ZNF131: variants seen among roughly 807,000 people sequenced by gnomAD.
The protein encoded by ZNF131 is zinc finger and BTB domain containing 35.
ZNF131 carries 7 observed loss-of-function variants against 60.0 expected under a neutral mutation model. That is an observed-to-expected ratio of 0.12 (90% CI 0.07 to 0.22). The LOEUF (loss-of-function observed/expected upper bound fraction) is 0.22. ZNF131 is among the 10% of genes least tolerant of loss of function. ZNF131 has a pLI of 1.00. For missense variants in ZNF131, 493 were observed against 740.9 expected, an observed-to-expected ratio of 0.67 and a Z score of 3.88; for synonymous variants, 257 against 253.2, an observed-to-expected ratio of 1.01 and a Z score of -0.14.
In ZNF131 at chr5:43,129,781, A is replaced by C. The variant is rs77960099; in HGVS notation, c.226+6471A>C. Reference sequence around the variant, plus strand: ...GCAGTTCTCCTGCCTCAGCCTCCCCAGTGGCTGGGATTACAGGTGCGTGCC... The same window carrying C: ...GCAGTTCTCCTGCCTCAGCCTCCCCCGTGGCTGGGATTACAGGTGCGTGCC... On this transcript the variant is annotated intron_variant, in intron 3 of 6. Transcript: ENST00000682664. Among the ~76,000 whole-genome samples, 1,537 of 152,118 alleles carry C rather than the reference A, an allele frequency of 0.01. 102 individuals carry two copies. In the East Asian group the frequency reaches 0.19, roughly 18 times the overall value.
intron 4 of ZNF131, among the ~76,000 whole-genome samples, chr5:43,147,243 T>C (rs1747710608): frequency 6.6e-6 from 1 of 152,018 alleles, no homozygotes; most frequent in African/African-American, 2.4e-5. Context: ...TTTTTTAAGA[T>C]TTTATCTATT....
chr5:43,174,474 G>C lies in ZNF131; in HGVS notation c.1213G>C (p.Asp405His), dbSNP rs1751360978. 1.3e-6 allele frequency: 2 copies of C among 1,539,574 alleles called. No homozygotes were observed. Among genetic ancestry groups the C allele is most frequent in the Non-Finnish European group, 1.7e-6 (2 of 1,143,674 alleles). ...QVCNSVFNSW[D>H]QFKDHLVIHT... ...CTGCAACAGTGTGTTTAACAGCTGG[G>C]ACCAGTTCAAAGATCACTTGGTAAT... is the stretch of plus-strand genomic sequence containing the variant. The change falls in exon 7 of 7, where the codon GAC becomes CAC. Residue 405 changes from aspartate (D) to histidine (H), a missense_variant. Asp to His is a moderately conservative substitution (Grantham distance 81). Transcript: ENST00000682664.
At chr5:43,156,219 A>AC (rs1748947064) in intron 4 of ZNF131, among the ~76,000 whole-genome samples, 1 of 152,128 alleles carries the variant, frequency 6.6e-6, no homozygotes, top group Non-Finnish European at 1.5e-5. Context: ...CCATGCCCAA[A>AC]CCCCATCAGT....
intron 4 of ZNF131, among the ~76,000 whole-genome samples, chr5:43,140,343 TG>T (rs1727771922): frequency 1.3e-5 from 2 of 152,262 alleles, no homozygotes; most frequent in African/African-American, 4.8e-5. Flanking sequence ...TCAGTTTCCC[TG>T]GGTTAACATC....
Position 43,120,952 on chromosome 5 carries a change from G to A in ZNF131, c.-187G>A, listed in dbSNP as rs954105963. The stretch of plus-strand genomic sequence containing the variant: ...CCCGGGTGCCCAACCGAACGCACGT[G>A]CGCCAGCGGGGCCCGAGCAGAAGGG... On this transcript the variant is annotated 5_prime_UTR_variant, in exon 1 of 7. Transcript: ENST00000682664. 1 of 152,260 alleles carries A rather than the reference G, an allele frequency of 6.6e-6. No homozygotes were observed. The highest frequency in any genetic ancestry group is 1.5e-5 in the Non-Finnish European group (1 of 68,062). The allele number at this position is 152,260 out of a possible 1,614,324, so 9.4% of individuals were successfully genotyped here.
rs1482904840 is a variant in ZNF131 at position 43,176,219 on chromosome 5, C to T, written c.*1086C>T. 2.0e-5 allele frequency: 3 copies of T among 152,200 alleles called. No individual in the cohort carries two copies. The highest frequency in any genetic ancestry group is 4.4e-5 in the Non-Finnish European group (3 of 68,008). 9.4% of individuals were successfully genotyped at this position (152,200 alleles called of 1,614,324 possible). ...GTGTAAATATTTTTAATCAGTATTA[C>T]TTGGAAAATAAAATATAACAAACCC... On this transcript the variant is annotated 3_prime_UTR_variant, in exon 7 of 7. Transcript: ENST00000682664.
intron 4 of ZNF131, among the ~76,000 whole-genome samples, chr5:43,155,372 A>C (rs958002685): frequency 6.6e-6 from 1 of 152,182 alleles, no homozygotes. Context: ...CGCAACAGCA[A>C]ACTAATTTTC....
At chr5:43,133,045 C>T (rs17242918) in intron 3 of ZNF131, among the ~76,000 whole-genome samples, 8,140 of 152,094 alleles carry the variant, frequency 0.054, 320 homozygotes, top group South Asian at 0.13. Flanking sequence ...AATAGTGTCT[C>T]GTAGCCTTTC....
rs1056633936 is a variant in ZNF131 at position 43,160,843 on chromosome 5, A to G, written c.372-406A>G. On this transcript the variant is annotated intron_variant, in intron 4 of 6. Coordinates refer to ENST00000682664, the MANE Select transcript of ZNF131 (RefSeq NM_001330707.2). ...GGATTACAGGCATGCCACCATGCCC[A>G]GCTAATTTTGTATTTTTAGTAGAGA... Among the ~76,000 whole-genome samples the G allele has an allele frequency of 2.0e-5, 3 of 151,922 alleles. No individual in the cohort carries two copies. In the East Asian group the frequency reaches 5.8e-4, roughly 29 times the overall value.
chr5:43,170,725 C>A (rs1158040223), intron 5 of ZNF131, among the ~76,000 whole-genome samples: 1 of 150,758 alleles, frequency 6.6e-6, no homozygotes, highest in South Asian at 2.1e-4. Context: ...CTCCGCCTCC[C>A]AGGTTCAAGT....
At chr5:43,159,934 G>C (rs1362330239) in intron 4 of ZNF131, among the ~76,000 whole-genome samples, 3 of 151,832 alleles carry the variant, frequency 2.0e-5, no homozygotes, top group Admixed American at 2.0e-4. Context: ...CAGCACTTTG[G>C]GGGAGGCCAA....
intron 3 of ZNF131, among the ~76,000 whole-genome samples, chr5:43,131,800 C>T (rs1319663383): frequency 2.9e-5 from 4 of 135,966 alleles, no homozygotes; most frequent in East Asian, 5.9e-4. Flanking sequence ...GGCATATGTG[C>T]GTATGTACAA....
rs562248167 is a variant in ZNF131, at chr5:43,131,149, G to A, written c.226+7839G>A. Among the ~76,000 whole-genome samples the A allele has an allele frequency of 2.8e-3, 429 of 151,992 alleles. 1 individual carries two copies. Among genetic ancestry groups the A allele is most frequent in the African/African-American group, 0.01 (419 of 41,450 alleles). On this transcript the variant is annotated intron_variant, in intron 3 of 6. Transcript: ENST00000682664. ...CAGAGTGCTGGGATTACAGGTGTGAGCCACAGCGCCCGGCCTCCAAGCTTA... is the reference window on the plus strand; with the variant it reads ...CAGAGTGCTGGGATTACAGGTGTGAACCACAGCGCCCGGCCTCCAAGCTTA...
At chr5:43,127,520 T>C (rs868300029) in intron 3 of ZNF131, among the ~76,000 whole-genome samples, 10 of 152,236 alleles carry the variant, frequency 6.6e-5, no homozygotes, top group Admixed American at 2.0e-4. Context: ...CCTAGCATGA[T>C]TCTAGTGTGC....
chr5:43,143,516 G>A (rs1481899027), intron 4 of ZNF131: 9 of 786,730 alleles, frequency 1.1e-5, no homozygotes, highest in Admixed American at 2.8e-5. Flanking sequence ...AGATGAGCCA[G>A]ACATCGTTTC....
In ZNF131 at chr5:43,161,636, G is replaced by T. The variant is rs759501809; in HGVS notation, c.759G>T (p.Gln253His). 6.2e-7 allele frequency: 1 copy of T among 1,614,216 alleles called. No individual in the cohort carries two copies. The highest frequency in any genetic ancestry group is 1.1e-5 in the South Asian group (1 of 91,088). The change falls in exon 5 of 7, where the codon CAG (glutamine) becomes CAT (histidine). Residue 253 changes from glutamine (Q) to histidine (H), a missense_variant. Transcript: ENST00000682664. ...AAGGTATTGAAATTGTGGAACTTCAGCTGTCACATGTGAAGGACTTGTTCC... is the reference window on the plus strand; with the variant it reads ...AAGGTATTGAAATTGTGGAACTTCATCTGTCACATGTGAAGGACTTGTTCC... ...QVEGIEIVELQLSHVKDLFHC... is the reference protein window; with the variant it reads ...QVEGIEIVELHLSHVKDLFHC...
At chr5:43,172,769 C>A (rs750689168) in intron 5 of ZNF131, among the ~76,000 whole-genome samples, 1 of 152,038 alleles carries the variant, frequency 6.6e-6, no homozygotes, top group East Asian at 1.9e-4. Context: ...CCGAATTGAC[C>A]CCCTCCTCTG....
chr5:43,134,781 A>T (rs1579747295), intron 3 of ZNF131, among the ~76,000 whole-genome samples: 1 of 140,716 alleles, frequency 7.1e-6, no homozygotes, highest in South Asian at 2.3e-4. Flanking sequence ...GCTCACTGCA[A>T]CCTCCGCCTC....
At chr5:43,166,687 G>T (rs1428160761) in intron 5 of ZNF131, among the ~76,000 whole-genome samples, 1 of 150,350 alleles carries the variant, frequency 6.7e-6, no homozygotes, top group East Asian at 2.0e-4. Context: ...ACGGGGTCTC[G>T]CTCTGTCGCC....
Sources: gnomAD v4.1 joint callset for allele counts (sites outside exome capture counted in the v4.1 genomes callset) on GRCh38, gnomAD v4.1.1 for gene constraint, MANE v1.5 for transcripts, NCBI Gene and HGNC (gene_info 2026-07-23, HGNC 2026-07-21) for gene names.